DHX37: variants seen among roughly 807,000 people sequenced by gnomAD.
DHX37 encodes probable ATP-dependent RNA helicase DHX37.
DHX37 carries 52 observed loss-of-function variants against 134.3 expected under a neutral mutation model. That is an observed-to-expected ratio of 0.39 (90% confidence interval 0.31 to 0.49). The LOEUF (loss-of-function observed/expected upper bound fraction) is 0.49. DHX37 is among the 20% of genes least tolerant of loss of function. DHX37 has a pLI of 0.93. For missense variants in DHX37, 1,344 were observed against 1,580.8 expected (o/e 0.85, Z 2.54); for synonymous variants, 634 against 670.7 (o/e 0.95, Z 0.85).
rs569649715 is a variant in DHX37 at position 124,948,355 on chromosome 12, T to C, written c.3291-174A>G. The C allele has an allele frequency of 6.7e-6, 8 of 1,202,272 alleles. No homozygotes were observed. In the African/African-American group the frequency reaches 9.2e-5, roughly 14 times the overall value. The allele number at this position is 1,202,272 out of a possible 1,614,324, so 74.5% of individuals were successfully genotyped here. Reference sequence around the variant, plus strand: ...GCCCCAGTTACTCAGGGGGCTGAAGTAGGAGGATCCCTTGAGCCTGGGAGT... The same window carrying C: ...GCCCCAGTTACTCAGGGGGCTGAAGCAGGAGGATCCCTTGAGCCTGGGAGT... On this transcript the variant is annotated intron_variant, in intron 25 of 26. Transcript: ENST00000308736.
chr12:124,966,926 T>C lies in DHX37; in HGVS notation c.1505-48A>G, dbSNP rs528847683. On this transcript the variant is annotated intron_variant, in intron 11 of 26. Transcript: ENST00000308736. ...AGAAAGGCGTCTGTGGCCGGCGTGGTCGCCAGCACACTGCCCTTTGTTGTT... is the reference window on the plus strand; with the variant it reads ...AGAAAGGCGTCTGTGGCCGGCGTGGCCGCCAGCACACTGCCCTTTGTTGTT... The C allele has an allele frequency of 1.9e-6, 3 of 1,609,124 alleles. No individual in the cohort carries two copies. In the East Asian group the frequency reaches 6.7e-5, roughly 36 times the overall value.
intron 1 of DHX37, among the ~76,000 whole-genome samples, chr12:124,988,153 C>T (rs1186036654): frequency 6.6e-6 from 1 of 151,982 alleles, no homozygotes; most frequent in African/African-American, 2.4e-5. Context: ...ACCACCACGC[C>T]TCCTCTGCTC....
At chr12:124,974,573 C>T (rs914228504) in intron 6 of DHX37, among the ~76,000 whole-genome samples, 19 of 150,130 alleles carry the variant, frequency 1.3e-4, no homozygotes, top group African/African-American at 4.7e-4. Context: ...CTAGATGCTG[C>T]CTAGTAACAT....
At chr12:124,981,819 T>C (rs943733249) in intron 3 of DHX37, among the ~76,000 whole-genome samples, 16 of 151,538 alleles carry the variant, frequency 1.1e-4, no homozygotes, top group African/African-American at 2.9e-4. Flanking sequence ...ACAGCACTCA[T>C]GCCTTAAAAA....
intron 18 of DHX37, among the ~76,000 whole-genome samples, chr12:124,955,396 G>A (rs1954072090): frequency 6.6e-6 from 1 of 152,214 alleles, no homozygotes; most frequent in African/African-American, 2.4e-5. Flanking sequence ...ACCACTTTCT[G>A]TTTCTCCAGA....
Position 124,965,671 on chromosome 12 carries a change from C to T in DHX37, c.1732G>A (p.Gly578Arg). Reference sequence around the variant, plus strand: ...GGAATCGGTGCTCGGGCCACACCTCCATCTTGCCCGCCATCCCCCAGGTCC... The same window carrying T: ...GGAATCGGTGCTCGGGCCACACCTCTATCTTGCCCGCCATCCCCCAGGTCC... ...DLDLGDGGQDGGEQPDASLPL... is the reference protein window; with the variant it reads ...DLDLGDGGQDRGEQPDASLPL... The change falls in exon 13 of 27, where the codon GGA becomes AGA. Residue 578 changes from glycine to arginine, a missense_variant. Physicochemically the swap from Gly to Arg is moderately radical, Grantham distance 125 (BLOSUM62 -2). This residue lies in a region of DHX37 where 289 missense variants were observed against 323.8 expected (regional missense o/e 0.89). Transcript: ENST00000308736. 5 of 1,606,818 alleles carry T rather than the reference C, an allele frequency of 3.1e-6. No individual in the cohort carries two copies. The highest frequency in any genetic ancestry group is 4.3e-6 in the Non-Finnish European group (5 of 1,175,866).
Position 124,960,440 on chromosome 12 carries a change from C to A in DHX37, c.2046-17G>T. 6.2e-7 allele frequency: 1 copy of A among 1,604,322 alleles called. No homozygotes were observed. The highest frequency in any genetic ancestry group is 1.1e-5 in the South Asian group (1 of 90,728). On this transcript the variant is annotated splice_polypyrimidine_tract_variant and intron_variant, in intron 15 of 26. Coordinates refer to ENST00000308736, the MANE Select transcript of DHX37 (RefSeq NM_032656.4). ...GAATACAGCCTGGATGGAGAGAAAC[C>A]GGGACAACAAACACAAAACTCACAC...
chr12:124,976,832 A>T (rs1594505749), intron 5 of DHX37, among the ~76,000 whole-genome samples: 1 of 144,844 alleles, frequency 6.9e-6, no homozygotes, highest in Admixed American at 7.1e-5. Flanking sequence ...TCCGTCTCAA[A>T]AATAATAATA....
intron 17 of DHX37, 60 bp downstream of exon 17, chr12:124,956,969 C>CA: frequency 6.6e-7 from 1 of 1,524,178 alleles, no homozygotes; most frequent in Non-Finnish European, 8.8e-7. Flanking sequence ...TCAGGCCCAG[C>CA]AAAAGGGAGA....
At chr12:124,961,326 A>G (rs887703435) in intron 15 of DHX37, among the ~76,000 whole-genome samples, 14 of 135,022 alleles carry the variant, frequency 1.0e-4, no homozygotes, top group Non-Finnish European at 1.5e-4. Context: ...TTACATACAC[A>G]CGTGCACGCA....
At chr12:124,977,806 C>T (rs1392681995) in intron 4 of DHX37, among the ~76,000 whole-genome samples, 1 of 152,164 alleles carries the variant, frequency 6.6e-6, no homozygotes, top group Non-Finnish European at 1.5e-5. Flanking sequence ...GATAAATAAT[C>T]TGGTGCAAAT....
At chr12:124,985,050 G>A (rs576182255) in intron 2 of DHX37, among the ~76,000 whole-genome samples, 77 of 152,264 alleles carry the variant, frequency 5.1e-4, no homozygotes, top group East Asian at 3.7e-3. Flanking sequence ...AACGCCTGGA[G>A]CCGCCAGGAG....
At chr12:124,966,351 G>T (rs895809471) in intron 12 of DHX37, among the ~76,000 whole-genome samples, 3 of 151,604 alleles carry the variant, frequency 2.0e-5, no homozygotes, top group Non-Finnish European at 2.9e-5. Flanking sequence ...TACAGGCGTA[G>T]CCACCACGCC....
In DHX37 at chr12:124,950,790, G is replaced by C. The variant is rs1439801044; in HGVS notation, c.2883C>G (p.Asp961Glu). ...WRNAYKTPLLDDPVFIHPSSV... is the reference protein window; with the variant it reads ...WRNAYKTPLLEDPVFIHPSSV... ...AGCTGGGGTGGATGAAGACAGGGTC[G>C]TCGAGGAGAGGGGTCTGCAGAGAAT... Residue 961 changes from aspartate (D) to glutamate (E), a missense_variant, in exon 22 of 27, where the codon GAC becomes GAG. This residue lies in a region of DHX37 where 558 missense variants were observed against 650.0 expected (regional missense o/e 0.86). Transcript: ENST00000308736. The C allele has an allele frequency of 1.2e-6, 2 of 1,606,892 alleles. No homozygotes were observed. The highest frequency in any genetic ancestry group is 1.8e-5 in the Admixed American group (1 of 57,136).
At chr12:124,964,876 C>T in intron 14 of DHX37, 54 bp downstream of exon 14, 2 of 1,540,072 alleles carry the variant, frequency 1.3e-6, no homozygotes, top group Non-Finnish European at 1.8e-6. Flanking sequence ...ACCAACCCCA[C>T]TGTAATGCCC....
At chr12:124,969,244 C>A (rs538021750) in intron 8 of DHX37, among the ~76,000 whole-genome samples, 1 of 152,262 alleles carries the variant, frequency 6.6e-6, no homozygotes, top group South Asian at 2.1e-4. Context: ...AACCCAGCTC[C>A]CACCTGACAC....
At chr12:124,956,934 T>C (rs1381428971) in intron 17 of DHX37, 55 bp from the exon 18 acceptor site, 6 of 1,543,646 alleles carry the variant, frequency 3.9e-6, no homozygotes, top group Non-Finnish European at 5.3e-6. Flanking sequence ...GAGCCACAGC[T>C]GGGAGGCCCC....
intron 3 of DHX37, among the ~76,000 whole-genome samples, chr12:124,981,130 A>G (rs1361028702): frequency 1.3e-5 from 2 of 151,840 alleles, no homozygotes; most frequent in Non-Finnish European, 2.9e-5. Flanking sequence ...ACACAGATGC[A>G]CTCGCCTGAT....
chr12:124,983,763 C>T (rs1452727112), intron 2 of DHX37, among the ~76,000 whole-genome samples: 2 of 137,970 alleles, frequency 1.4e-5, no homozygotes, highest in African/African-American at 2.7e-5. Flanking sequence ...CCAGCCTGGG[C>T]AACAGAGCAA....
Sources: allele counts gnomAD v4.1 joint callset (sites outside exome capture counted in the v4.1 genomes callset), GRCh38; gene constraint gnomAD v4.1.1; regional missense constraint gnomAD v4.1.1; transcripts MANE v1.5; gene names NCBI Gene and HGNC (gene_info 2026-07-23, HGNC 2026-07-21).